The following MALT1 variants were observed in gnomAD, a reference collection of about 807,000 sequenced individuals.
MALT1 encodes the protein mucosa-associated lymphoid tissue lymphoma translocation protein 1.
A neutral mutation model predicts 85.5 loss-of-function variants in MALT1; 36 were observed. That is an observed-to-expected ratio of 0.42 (90% CI 0.32 to 0.56). The LOEUF (loss-of-function observed/expected upper bound fraction) is 0.56. Among genes scored for constraint, MALT1 ranks in the 20% least tolerant of loss-of-function variants. MALT1 has a pLI of 0.10. For missense variants in MALT1, 716 were observed against 981.6 expected (o/e 0.73, Z 3.62); for synonymous variants, 359 against 361.3 (o/e 0.99, Z 0.07).
At position 58,698,071 on chromosome 18, in the gene MALT1, T is replaced by TG. The variant is rs1447439924; in HGVS notation, c.498+1584_498+1585insG. Among the ~76,000 whole-genome samples, 175 of 75,156 alleles carry TG rather than the reference T, an allele frequency of 2.3e-3. 4 individuals carry two copies. In the East Asian group the frequency reaches 0.046, roughly 20 times the overall value. The allele number at this position is 75,156 out of a possible 152,430, so 49.3% of individuals were successfully genotyped here. A position where few individuals can be genotyped will look rare whatever the true frequency, so the allele number is the denominator to read the frequency against. On this transcript the variant is annotated intron_variant, in intron 3 of 16. Coordinates refer to ENST00000649217, the MANE Select transcript of MALT1 (RefSeq NM_006785.4). ...TTGTTGTTGTTGTTTTGTTTTGTTT[T>TG]TTTGTTTTTTTTTTGAGATGGAGTC...
chr18:58,753,739 A>C lies in MALT1; in HGVS notation c.*5897A>C, dbSNP rs1385036528. On this transcript the variant is annotated 3_prime_UTR_variant, in exon 17 of 17. Coordinates refer to ENST00000649217, the MANE Select transcript of MALT1 (RefSeq NM_006785.4). ...TGAACAATGACTGTATAATTTTAAA[A>C]TACAGATATGCACAATTGTGTAATG... 6.6e-6 allele frequency: 1 copy of C among 152,238 alleles called. No individual in the cohort carries two copies. Among genetic ancestry groups the C allele is most frequent in the East Asian group, 1.9e-4 (1 of 5,200 alleles). 9.4% of individuals were successfully genotyped at this position (152,238 alleles called of 1,614,324 possible). A position where few individuals can be genotyped will look rare whatever the true frequency, so the allele number is the denominator to read the frequency against.
At chr18:58,685,635 G>A (rs2054390486) in intron 2 of MALT1, among the ~76,000 whole-genome samples, 1 of 152,172 alleles carries the variant, frequency 6.6e-6, no homozygotes, top group Non-Finnish European at 1.5e-5. Flanking sequence ...TTTTGTGAAG[G>A]AGCCTCAGAG....
At chr18:58,744,925 T>C (rs956822415) in intron 15 of MALT1, among the ~76,000 whole-genome samples, 4 of 151,832 alleles carry the variant, frequency 2.6e-5, no homozygotes, top group Non-Finnish European at 4.4e-5. Context: ...TTATTTTACG[T>C]TGGTCTAAAG....
In MALT1 at chr18:58,750,784, G is replaced by A. The variant is rs540098535; in HGVS notation, c.*2942G>A. On this transcript the variant is annotated 3_prime_UTR_variant, in exon 17 of 17. Transcript: ENST00000649217. Reference sequence around the variant, plus strand: ...GAGTTTAAACTCTTAGAAGAAAACAGAAGTAAATCTTTGTGATGTTGGGCT... The same window carrying A: ...GAGTTTAAACTCTTAGAAGAAAACAAAAGTAAATCTTTGTGATGTTGGGCT... 1.3e-5 allele frequency: 2 copies of A among 152,258 alleles called. No individual in the cohort carries two copies. The highest frequency in any genetic ancestry group is 4.8e-5 in the African/African-American group (2 of 41,554). 9.4% of individuals were successfully genotyped at this position (152,258 alleles called of 1,614,324 possible). A position where few individuals can be genotyped will look rare whatever the true frequency, so the allele number is the denominator to read the frequency against.
chr18:58,690,522 C>G (rs778362171), intron 2 of MALT1: 48 of 172,000 alleles, frequency 2.8e-4, no homozygotes, highest in Admixed American at 9.7e-4. Context: ...GGACCGGAGC[C>G]CATCCCCTCT....
rs1311160370 is a variant in MALT1 at position 58,723,127 on chromosome 18, G to A, written c.1098G>A (p.Val366=). 6.2e-7 allele frequency: 1 copy of A among 1,613,594 alleles called. No homozygotes were observed. Among genetic ancestry groups the A allele is most frequent in the Admixed American group, 1.7e-5 (1 of 59,992 alleles). The change falls in exon 10 of 17, where the codon GTG becomes GTA. Residue 366 remains valine (V), a synonymous_variant. Coordinates refer to ENST00000649217, the MANE Select transcript of MALT1 (RefSeq NM_006785.4). Reference sequence around the variant, plus strand: ...AGCTCAAAGCTCCTTTGGTGGATGTGTACGAATTGACTAACTTACTGAGAC... The same window carrying A: ...AGCTCAAAGCTCCTTTGGTGGATGTATACGAATTGACTAACTTACTGAGAC... ...HPKLKAPLVD[V]YELTNLLRQL...
intron 13 of MALT1, among the ~76,000 whole-genome samples, chr18:58,735,798 T>C (rs1486531643): frequency 1.3e-5 from 2 of 152,182 alleles, no homozygotes; most frequent in African/African-American, 4.8e-5. Context: ...TTTTTTTCCC[T>C]GATGAACTTA....
chr18:58,698,007 A>G (rs918957434), intron 3 of MALT1, among the ~76,000 whole-genome samples: 1 of 152,034 alleles, frequency 6.6e-6, no homozygotes, highest in African/African-American at 2.4e-5. Context: ...GTTTTAAGCA[A>G]GGGAAGTAAC....
In MALT1 at chr18:58,709,473, G is replaced by C. The variant is rs2144387542; in HGVS notation, c.745G>C (p.Val249Leu). 6.2e-7 allele frequency: 1 copy of C among 1,613,424 alleles called. No individual in the cohort carries two copies. Among genetic ancestry groups the C allele is most frequent in the African/African-American group, 1.3e-5 (1 of 74,996 alleles). The change falls in exon 5 of 17, where the codon GTT (valine) becomes CTT (leucine). Residue 249 changes from valine (V) to leucine (L), a missense_variant. By Grantham distance (32) the Val-to-Leu change is conservative (BLOSUM62 1). Coordinates refer to ENST00000649217, the MANE Select transcript of MALT1 (RefSeq NM_006785.4). ...AGGCAGCACATTGGTTTTACAGTGT[G>C]TTGCTGTTGGAAGCCCTATTCCTCA... ...MPGSTLVLQCVAVGSPIPHYQ... is the reference protein window; with the variant it reads ...MPGSTLVLQCLAVGSPIPHYQ...
At chr18:58,714,326 G>A (rs1450352507) in intron 8 of MALT1, among the ~76,000 whole-genome samples, 3 of 152,180 alleles carry the variant, frequency 2.0e-5, no homozygotes, top group Non-Finnish European at 4.4e-5. Context: ...GGGTAGAAAA[G>A]AAGTGTTTGA....
chr18:58,719,627 G>A (rs928422525), intron 9 of MALT1, among the ~76,000 whole-genome samples: 1 of 152,192 alleles, frequency 6.6e-6, no homozygotes, highest in Non-Finnish European at 1.5e-5. Flanking sequence ...CACAGGTGGG[G>A]GTGACTGTAC....
intron 14 of MALT1, 44 bp downstream of exon 14, chr18:58,742,058 C>T (rs780694433): frequency 2.8e-5 from 39 of 1,378,294 alleles, no homozygotes; most frequent in East Asian, 1.2e-4. Flanking sequence ...ATATACTTAA[C>T]GTTAAATCAT....
rs2055197762 is a variant in MALT1 at position 58,734,459 on chromosome 18, G to T, written c.1475+78G>T. 4 of 1,115,568 alleles carry T rather than the reference G, an allele frequency of 3.6e-6. No homozygotes were observed. The South Asian group carries it at 5.0e-5, about 14-fold the overall frequency. 69.1% of individuals were successfully genotyped at this position (1,115,568 alleles called of 1,614,324 possible). A position where few individuals can be genotyped will look rare whatever the true frequency, so the allele number is the denominator to read the frequency against. On this transcript the variant is annotated intron_variant, in intron 12 of 16. Coordinates refer to ENST00000649217, the MANE Select transcript of MALT1 (RefSeq NM_006785.4). ...TTGTTTTTGCTTTTTAGGAGCAGGG[G>T]TCTTAACTCTGTCACCCAGGCTGGA...
At chr18:58,689,282 G>C (rs1268180341) in intron 2 of MALT1, among the ~76,000 whole-genome samples, 1 of 150,384 alleles carries the variant, frequency 6.6e-6, no homozygotes, top group African/African-American at 2.5e-5. Flanking sequence ...AAGTCTCAGA[G>C]AGTTTAATTT....
intron 2 of MALT1, among the ~76,000 whole-genome samples, chr18:58,693,335 T>C (rs754571309): frequency 5.3e-5 from 8 of 152,102 alleles, no homozygotes; most frequent in Non-Finnish European, 1.0e-4. Flanking sequence ...GGTGGGAGAA[T>C]TGCTTACACC....
chr18:58,674,044 A>G (rs1192349545), intron 1 of MALT1: 2 of 152,102 alleles, frequency 1.3e-5, no homozygotes, highest in Non-Finnish European at 1.5e-5. Flanking sequence ...AGATCTCCAG[A>G]GTATTACGGT....
chr18:58,734,068 G>T, intron 11 of MALT1: 2 of 1,323,152 alleles, frequency 1.5e-6, no homozygotes, highest in Non-Finnish European at 9.7e-7. Context: ...TGCTTGCTCA[G>T]CATTTACCAA....
intron 2 of MALT1, among the ~76,000 whole-genome samples, chr18:58,683,429 G>A (rs2054352551): frequency 6.6e-6 from 1 of 152,148 alleles, no homozygotes; most frequent in South Asian, 2.1e-4. Flanking sequence ...ATAATGTTGT[G>A]TTGAATTTCA....
intron 16 of MALT1, 99 bp from the exon 17 acceptor site, chr18:58,747,306 T>C (rs2055381554): frequency 2.7e-6 from 2 of 737,190 alleles, no homozygotes; most frequent in Non-Finnish European, 4.6e-6. Flanking sequence ...GGAGAGTGAG[T>C]GGATTTTTGG....
Sources: allele counts gnomAD v4.1 joint callset (sites outside exome capture counted in the v4.1 genomes callset), GRCh38; gene constraint gnomAD v4.1.1; transcripts MANE v1.5; gene names NCBI Gene and HGNC (gene_info 2026-07-23, HGNC 2026-07-21).